DYNC2H1: variants seen among roughly 807,000 people sequenced by gnomAD.
DYNC2H1 encodes cytoplasmic dynein 2 heavy chain 1.
In DYNC2H1, 410 loss-of-function variants were observed where a neutral mutation model predicts 570.0. The observed-to-expected ratio is 0.72, with a 90% CI of 0.66 to 0.78. The LOEUF (loss-of-function observed/expected upper bound fraction) is 0.78, where lower values mean the gene tolerates loss of function less well. Among genes scored for constraint, DYNC2H1 ranks in the 30% least tolerant of loss-of-function variants. The pLI, the probability that DYNC2H1 is intolerant of heterozygous loss-of-function variation, is 0.00. For synonymous variants in DYNC2H1, 1,688 were observed against 1,677.6 expected, an observed-to-expected ratio of 1.01 and a Z score of -0.15; for missense variants, 4,865 against 5,046.4, an observed-to-expected ratio of 0.96 and a Z score of 1.09.
chr11:103,320,356 C>G (rs542591799), intron 80 of DYNC2H1, among the ~76,000 whole-genome samples: 1 of 152,156 alleles, frequency 6.6e-6, no homozygotes, highest in South Asian at 2.1e-4. Context: ...GAGCTGAGAT[C>G]GCGTCATTGC....
intron 65 of DYNC2H1, 102 bp from the exon 66 acceptor site, chr11:103,253,183 G>A (rs569928604): frequency 2.1e-5 from 26 of 1,244,618 alleles, no homozygotes; most frequent in South Asian, 1.5e-4. Flanking sequence ...AGACTCTGTC[G>A]AAAAGCCTAT....
chr11:103,269,549 G>A (rs1368439950), intron 70 of DYNC2H1, among the ~76,000 whole-genome samples: 2 of 152,150 alleles, frequency 1.3e-5, no homozygotes, highest in African/African-American at 2.4e-5. Context: ...TGAACTGAAA[G>A]CAAGTTGACC....
chr11:103,394,525 AGG>A (rs1942308986), intron 83 of DYNC2H1, among the ~76,000 whole-genome samples: 1 of 151,984 alleles, frequency 6.6e-6, no homozygotes, highest in Admixed American at 6.6e-5. Flanking sequence ...GTATTGAGGG[AGG>A]CTCAATACCA....
At chr11:103,340,738 T>A (rs1939404054) in intron 82 of DYNC2H1, among the ~76,000 whole-genome samples, 1 of 152,156 alleles carries the variant, frequency 6.6e-6, no homozygotes, top group Admixed American at 6.5e-5. Flanking sequence ...CGTGTTTTAG[T>A]ACACCTTTCG....
chr11:103,121,203 A>G (rs1858687765), intron 9 of DYNC2H1, among the ~76,000 whole-genome samples, 167 bp downstream of exon 9: 1 of 152,132 alleles, frequency 6.6e-6, no homozygotes, highest in African/African-American at 2.4e-5. Flanking sequence ...TGCATTAACA[A>G]GTTATTATAA....
chr11:103,265,978 C>G (rs961574798), intron 70 of DYNC2H1, among the ~76,000 whole-genome samples: 1 of 148,824 alleles, frequency 6.7e-6, no homozygotes, highest in African/African-American at 2.5e-5. Flanking sequence ...TGTGCCCTAA[C>G]TCTGGGGGAC....
intron 83 of DYNC2H1, among the ~76,000 whole-genome samples, chr11:103,371,877 T>A (rs1261233079): frequency 6.6e-6 from 1 of 150,496 alleles, no homozygotes; most frequent in Non-Finnish European, 1.5e-5. Context: ...GTATATAAGA[T>A]CATGTTGTCA....
chr11:103,404,068 T>C (rs1170419320), intron 84 of DYNC2H1: 2 of 151,958 alleles, frequency 1.3e-5, no homozygotes, highest in African/African-American at 2.4e-5. Context: ...AGGGAACTAA[T>C]TAGGAAAATA....
chr11:103,456,395 T>C (rs1315128354), intron 87 of DYNC2H1, 39 bp downstream of exon 87: 1 of 1,501,136 alleles, frequency 6.7e-7, no homozygotes, highest in African/African-American at 1.4e-5. Flanking sequence ...CTCAGCCTTA[T>C]CACCAACTGA....
Position 103,278,562 on chromosome 11 carries a change from G to A in DYNC2H1, c.10696-1786G>A, listed in dbSNP as rs11225647. Reference sequence around the variant, plus strand: ...AGTTTCTTGATTCTGGACCTGTGTGGGTTCTTTTTTCTTTTTTTTGACACG... The same window carrying A: ...AGTTTCTTGATTCTGGACCTGTGTGAGTTCTTTTTTCTTTTTTTTGACACG... On this transcript the variant is annotated intron_variant, in intron 70 of 88. Transcript: ENST00000375735. Among the ~76,000 whole-genome samples, 4 of 151,920 alleles carry A rather than the reference G, an allele frequency of 2.6e-5. No homozygotes were observed. In the East Asian group the frequency reaches 5.8e-4, roughly 22 times the overall value.
chr11:103,286,530 C>G lies in DYNC2H1; in HGVS notation c.11022+144C>G, dbSNP rs1007145725. On this transcript the variant is annotated intron_variant, in intron 74 of 88. Coordinates refer to ENST00000375735, the MANE Select transcript of DYNC2H1 (RefSeq NM_001377.3). Reference sequence around the variant, plus strand: ...GGGAAGGGCTTGATCCTTTTGCCACCTTATTGACAATTAAATCACGCCAAA... The same window carrying G: ...GGGAAGGGCTTGATCCTTTTGCCACGTTATTGACAATTAAATCACGCCAAA... 2.2e-5 allele frequency: 21 copies of G among 961,716 alleles called. No homozygotes were observed. In the African/African-American group the frequency reaches 3.0e-4, roughly 14 times the overall value. The allele number at this position is 961,716 out of a possible 1,614,324, so 59.6% of individuals were successfully genotyped here.
rs1173016723 is a variant in DYNC2H1 at position 103,186,787 on chromosome 11, T to C, written c.6893+286T>C. Reference sequence around the variant, plus strand: ...AAAAAAAAAAAAAGAATGCCTTATATATACTCACACACCATTTGCTTTAGT... The same window carrying C: ...AAAAAAAAAAAAAGAATGCCTTATACATACTCACACACCATTTGCTTTAGT... On this transcript the variant is annotated intron_variant, in intron 42 of 88. Transcript: ENST00000375735. The surrounding 1 kb of genome is among the most constrained non-coding windows in gnomAD (Gnocchi z 4.5). Among the ~76,000 whole-genome samples, 1 of 151,588 alleles carries C rather than the reference T, an allele frequency of 6.6e-6. No homozygotes were observed. Among genetic ancestry groups the C allele is most frequent in the Admixed American group, 6.6e-5 (1 of 15,186 alleles).
rs927971436 is a variant in DYNC2H1 at position 103,261,698 on chromosome 11, C to G, written c.10695+1721C>G. Among the ~76,000 whole-genome samples, 8 of 152,162 alleles carry G rather than the reference C, an allele frequency of 5.3e-5. No homozygotes were observed. Among genetic ancestry groups the G allele is most frequent in the African/African-American group, 1.7e-4 (7 of 41,434 alleles). ...ATACAAAAACCCCATCCGAAGGTCA[C>G]CAAGATCAAAGACCAAAGGTAGATA... On this transcript the variant is annotated intron_variant, in intron 70 of 88. Coordinates refer to ENST00000375735, the MANE Select transcript of DYNC2H1 (RefSeq NM_001377.3). This position sits in a 1 kb window ranked among gnomAD's most constrained non-coding sequence, Gnocchi z 4.8.
At chr11:103,408,559 A>G (rs952289250) in intron 84 of DYNC2H1, among the ~76,000 whole-genome samples, 2 of 152,012 alleles carry the variant, frequency 1.3e-5, no homozygotes, top group African/African-American at 2.4e-5. Context: ...TCGTACTAGC[A>G]GAAATATTAA....
intron 34 of DYNC2H1, among the ~76,000 whole-genome samples, chr11:103,171,304 GGA>G (rs1861559418): frequency 6.6e-6 from 1 of 151,802 alleles, no homozygotes; most frequent in Non-Finnish European, 1.5e-5. Flanking sequence ...TGCCCAGGCT[GGA>G]GTGCAGTGGT....
At chr11:103,357,763 G>C (rs777204397) in intron 82 of DYNC2H1, among the ~76,000 whole-genome samples, 10 of 151,774 alleles carry the variant, frequency 6.6e-5, no homozygotes, top group Non-Finnish European at 1.0e-4. Context: ...GACTAGCCTG[G>C]ACAACATACT....
chr11:103,312,805 C>T (rs1328365677), intron 79 of DYNC2H1, among the ~76,000 whole-genome samples: 1 of 152,028 alleles, frequency 6.6e-6, no homozygotes, highest in Non-Finnish European at 1.5e-5. Context: ...ACGTCTCAAA[C>T]TTCAAAACTT....
chr11:103,399,938 T>C (rs1228612703), intron 84 of DYNC2H1, 66 bp downstream of exon 84: 2 of 1,344,874 alleles, frequency 1.5e-6, no homozygotes, highest in Middle Eastern at 3.7e-4. Context: ...ATCACACATA[T>C]ATTTGTCAGG....
At chr11:103,173,977 C>T (rs982347) in intron 35 of DYNC2H1, 78 bp from the exon 36 acceptor site, 1 of 990,974 alleles carries the variant, frequency 1.0e-6, no homozygotes, top group Middle Eastern at 2.1e-4. Flanking sequence ...GTGTTATATT[C>T]TGTATTTCTT....
Sources: gnomAD v4.1 joint callset for allele counts (sites outside exome capture counted in the v4.1 genomes callset) on GRCh38, gnomAD v4.1.1 for gene constraint, Gnocchi (gnomAD v3.1) non-coding constraint, MANE v1.5 for transcripts, NCBI Gene and HGNC (gene_info 2026-07-23, HGNC 2026-07-21) for gene names.